The following ARHGAP26 variants were observed in gnomAD, a reference collection of about 807,000 sequenced individuals.
ARHGAP26 encodes the protein rho GTPase-activating protein 26.
In ARHGAP26, 38 loss-of-function variants were observed where a neutral mutation model predicts 104.8. That is an observed-to-expected ratio of 0.36 (90% CI 0.28 to 0.48). The LOEUF (loss-of-function observed/expected upper bound fraction) is 0.48, where lower values mean the gene tolerates loss of function less well. ARHGAP26 is among the 20% of genes least tolerant of loss of function. The pLI is 0.99. For synonymous variants in ARHGAP26, 341 were observed against 340.0 expected, an observed-to-expected ratio of 1.00 and a Z score of -0.03; for missense variants, 704 against 947.9, an observed-to-expected ratio of 0.74 and a Z score of 3.38.
At chr5:143,071,206 C>T (rs1788205959) in intron 17 of ARHGAP26, among the ~76,000 whole-genome samples, 1 of 152,056 alleles carries the variant, frequency 6.6e-6, no homozygotes, top group Non-Finnish European at 1.5e-5. Flanking sequence ...AGAGGTATCA[C>T]ACTACCTGAC....
intron 6 of ARHGAP26, among the ~76,000 whole-genome samples, chr5:142,895,222 A>C (rs151192833): frequency 8.3e-4 from 126 of 152,022 alleles, no homozygotes; most frequent in African/African-American, 2.9e-3. Flanking sequence ...AGAAAGGATA[A>C]TTTTCTTTTT....
At chr5:143,118,161 CAGA>C (rs1795716966) in intron 17 of ARHGAP26, among the ~76,000 whole-genome samples, 1 of 152,100 alleles carries the variant, frequency 6.6e-6, no homozygotes, top group Non-Finnish European at 1.5e-5. Flanking sequence ...AAGAAAGCAG[CAGA>C]AGAACATTTC....
chr5:142,812,136 T>C (rs967867824), intron 1 of ARHGAP26, among the ~76,000 whole-genome samples: 1 of 152,144 alleles, frequency 6.6e-6, no homozygotes, highest in Admixed American at 6.5e-5. Flanking sequence ...CCTCTTCGCT[T>C]CCTGTAGTAT....
chr5:142,785,758 A>T (rs1370761623), intron 1 of ARHGAP26, among the ~76,000 whole-genome samples: 1 of 152,178 alleles, frequency 6.6e-6, no homozygotes, highest in East Asian at 1.9e-4. Flanking sequence ...CTTCTTCTTC[A>T]CTAGCAACCT....
chr5:142,986,100 T>G (rs1774682618), intron 11 of ARHGAP26, among the ~76,000 whole-genome samples: 1 of 152,242 alleles, frequency 6.6e-6, no homozygotes, highest in Non-Finnish European at 1.5e-5. Flanking sequence ...CCACAATAGT[T>G]GAACTAGTTT....
At chr5:143,158,146 C>T (rs371438690) in intron 20 of ARHGAP26, among the ~76,000 whole-genome samples, 12 of 152,078 alleles carry the variant, frequency 7.9e-5, no homozygotes, top group East Asian at 5.8e-4. Flanking sequence ...ATGAACAAAC[C>T]CCTAGTGTTG....
intron 17 of ARHGAP26, among the ~76,000 whole-genome samples, chr5:143,067,886 A>C (rs972059645): frequency 1.6e-4 from 25 of 152,242 alleles, no homozygotes; most frequent in African/African-American, 6.0e-4. Context: ...AACAGGGTCC[A>C]AGAGCAGTGG....
intron 10 of ARHGAP26, among the ~76,000 whole-genome samples, chr5:142,918,419 T>C (rs1305221690): frequency 6.6e-6 from 1 of 152,256 alleles, no homozygotes; most frequent in Non-Finnish European, 1.5e-5. Flanking sequence ...AGTGCTGGGA[T>C]TACAGGTGTG....
At chr5:142,890,688 G>A (rs1177340152) in intron 5 of ARHGAP26, among the ~76,000 whole-genome samples, 1 of 152,074 alleles carries the variant, frequency 6.6e-6, no homozygotes, top group Non-Finnish European at 1.5e-5. Flanking sequence ...CAGGAAGTGA[G>A]ACCCCTGTGT....
At chr5:143,094,788 G>A (rs982253007) in intron 17 of ARHGAP26, among the ~76,000 whole-genome samples, 9 of 152,074 alleles carry the variant, frequency 5.9e-5, no homozygotes, top group Non-Finnish European at 1.2e-4. Flanking sequence ...TGAGTGGTTT[G>A]GGGGGAAAAT....
At chr5:142,928,494 C>T (rs1764245143) in intron 10 of ARHGAP26, among the ~76,000 whole-genome samples, 1 of 152,144 alleles carries the variant, frequency 6.6e-6, no homozygotes. Context: ...TGCAGAAGTG[C>T]ATGGCTGATT....
chr5:143,031,958 C>T (rs1432184055), intron 12 of ARHGAP26, among the ~76,000 whole-genome samples: 1 of 152,152 alleles, frequency 6.6e-6, no homozygotes, highest in Non-Finnish European at 1.5e-5. Flanking sequence ...ATATCCTAGG[C>T]ATGATAGCCC....
intron 1 of ARHGAP26, among the ~76,000 whole-genome samples, chr5:142,795,356 C>G (rs1760780320): frequency 6.6e-6 from 1 of 150,952 alleles, no homozygotes; most frequent in Non-Finnish European, 1.5e-5. Context: ...TGACTCTTTA[C>G]CACCGCACAG....
At chr5:142,890,035 C>G (rs1468584363) in intron 5 of ARHGAP26, among the ~76,000 whole-genome samples, 1 of 149,272 alleles carries the variant, frequency 6.7e-6, no homozygotes, top group Admixed American at 6.7e-5. Context: ...CTTGGGAAGG[C>G]TGAGGCAGGA....
intron 11 of ARHGAP26, among the ~76,000 whole-genome samples, chr5:142,996,343 A>G (rs1415261139): frequency 3.9e-5 from 6 of 151,972 alleles, no homozygotes; most frequent in Admixed American, 2.6e-4. Flanking sequence ...ATACACAAAA[A>G]TTAGCTGGGT....
chr5:143,098,877 A>C (rs1792810267), intron 17 of ARHGAP26, among the ~76,000 whole-genome samples: 1 of 152,246 alleles, frequency 6.6e-6, no homozygotes, highest in African/African-American at 2.4e-5. Context: ...GTATAACTTT[A>C]AAAATATTTT....
chr5:142,936,358 A>C (rs1598308112), intron 11 of ARHGAP26, among the ~76,000 whole-genome samples: 1 of 152,138 alleles, frequency 6.6e-6, no homozygotes, highest in Non-Finnish European at 1.5e-5. Flanking sequence ...GGAAATTACA[A>C]ACTGCTGCTG....
rs765310979 is a variant in ARHGAP26 at position 143,228,372 on chromosome 5, C to T, written c.*5926C>T. 2.5e-4 allele frequency: 55 copies of T among 222,828 alleles called. No individual in the cohort carries two copies. The highest frequency in any genetic ancestry group is 4.3e-4 in the Non-Finnish European group (48 of 111,670). The allele number at this position is 222,828 out of a possible 1,614,324, so 13.8% of individuals were successfully genotyped here. On this transcript the variant is annotated 3_prime_UTR_variant, in exon 23 of 23. Coordinates refer to ENST00000645722, the MANE Select transcript of ARHGAP26 (RefSeq NM_001135608.3). ...ACTCGGAGGTTGAGAATTAGAGACA[C>T]AAGAGAGGCTGTGGATGGCCTATTA...
intron 11 of ARHGAP26, among the ~76,000 whole-genome samples, chr5:142,941,166 G>C (rs534669702): frequency 4.1e-5 from 6 of 146,846 alleles, no homozygotes; most frequent in Non-Finnish European, 7.4e-5. Flanking sequence ...TCTGTTTTAA[G>C]TTCTTTGAGG....
Sources: gnomAD v4.1 joint callset for allele counts (sites outside exome capture counted in the v4.1 genomes callset) on GRCh38, gnomAD v4.1.1 for gene constraint, MANE v1.5 for transcripts, NCBI Gene and HGNC (gene_info 2026-07-23, HGNC 2026-07-21) for gene names.